BEND6: variants seen among roughly 807,000 people sequenced by gnomAD.
The protein encoded by BEND6 is BEN domain containing 6.
Under a neutral mutation model 31.8 loss-of-function variants are expected in BEND6, and 24 were observed. The observed-to-expected ratio is 0.75, with a 90% CI of 0.55 to 1.06. The LOEUF is 1.06. BEND6 is among the 50% of genes least tolerant of loss of function. The pLI, the probability that BEND6 is intolerant of heterozygous loss-of-function variation, is 0.00. For synonymous variants in BEND6, 109 were observed against 114.6 expected (o/e 0.95, Z 0.31); for missense variants, 294 against 327.4 (o/e 0.90, Z 0.79).
chr6:57,014,666 T>A, intron 3 of BEND6: 1 of 630,848 alleles, frequency 1.6e-6, no homozygotes, highest in Non-Finnish European at 2.5e-6. Context: ...TTGTAAACCA[T>A]ACACGAAGGT....
Position 56,978,761 on chromosome 6 carries a change from G to A in BEND6, c.-100-2950G>A, listed in dbSNP as rs544354512. ...TTACTGCAAATATTTGCACTGGAGC[G>A]AAGATTGAAATTTTTGTGAATGAGA... is the stretch of plus-strand genomic sequence containing the variant. On this transcript the variant is annotated intron_variant, in intron 1 of 6. Coordinates refer to ENST00000370746, the MANE Select transcript of BEND6 (RefSeq NM_152731.3). 1.7e-3 allele frequency among the ~76,000 whole-genome samples: 264 copies of A among 152,298 alleles called. 1 individual carries two copies. The highest frequency in any genetic ancestry group is 3.4e-3 in the Middle Eastern group (1 of 294).
chr6:57,020,844 T>TTTG (rs1827721700), intron 6 of BEND6, among the ~76,000 whole-genome samples: 1 of 150,890 alleles, frequency 6.6e-6, no homozygotes, highest in African/African-American at 2.4e-5. Context: ...TTTTTTTTTT[T>TTTG]TTTTTTTTTT....
intron 1 of BEND6, among the ~76,000 whole-genome samples, chr6:56,970,352 G>T (rs758618234): frequency 6.6e-6 from 1 of 151,958 alleles, no homozygotes; most frequent in Non-Finnish European, 1.5e-5. Flanking sequence ...GTGCCACCAT[G>T]CCTGTCTAAT....
At chr6:56,965,368 T>A (rs1562534537) in intron 1 of BEND6, among the ~76,000 whole-genome samples, 1 of 152,076 alleles carries the variant, frequency 6.6e-6, no homozygotes. Context: ...TAGTATAAAA[T>A]TACAAAGTTA....
intron 1 of BEND6, among the ~76,000 whole-genome samples, chr6:56,959,391 C>G (rs1055085771): frequency 1.3e-5 from 2 of 152,096 alleles, no homozygotes; most frequent in Non-Finnish European, 2.9e-5. Context: ...AGTAAATTAC[C>G]CAGTTGGTAA....
intron 6 of BEND6, among the ~76,000 whole-genome samples, chr6:57,025,475 A>T (rs1827871030): frequency 6.6e-6 from 1 of 152,212 alleles, no homozygotes; most frequent in African/African-American, 2.4e-5. Flanking sequence ...TCTAGCCAGC[A>T]ATCAGAGTGC....
chr6:57,013,226 T>C (rs1278676394), intron 3 of BEND6, among the ~76,000 whole-genome samples: 1 of 152,196 alleles, frequency 6.6e-6, no homozygotes, highest in Non-Finnish European at 1.5e-5. Flanking sequence ...ACCACCCTCA[T>C]ATTCAATAAT....
chr6:56,991,062 G>A (rs1358643384), intron 2 of BEND6, among the ~76,000 whole-genome samples: 2 of 152,224 alleles, frequency 1.3e-5, no homozygotes, highest in Middle Eastern at 3.4e-3. Context: ...AATATTACTT[G>A]TAAATAATGA....
At position 57,015,205 on chromosome 6, in the gene BEND6, C is replaced by T. The variant is rs765939236; in HGVS notation, c.371C>T (p.Thr124Ile). 6.2e-7 allele frequency: 1 copy of T among 1,614,158 alleles called. No individual in the cohort carries two copies. Among genetic ancestry groups the T allele is most frequent in the Non-Finnish European group, 8.5e-7 (1 of 1,180,026 alleles). The change falls in exon 4 of 7, where the codon ACC becomes ATC. Residue 124 changes from threonine (T) to isoleucine (I), a missense_variant. Transcript: ENST00000370746. ...GAGGCTCTGCTTAAGGGTGGGGGAA[C>T]CATGTCTACATCTGCATCCACCCTC... Reference protein sequence around the residue: ...MAEALLKGGGTMSTSASTLWR... With the variant: ...MAEALLKGGGIMSTSASTLWR...
rs571846045 is a variant in BEND6, at chr6:57,002,233, A to C, written c.298+9678A>C. ...TAAAACAAGTACTTCTAGACCTATA[A>C]GAAGACTTAGACAGCCATACAATAA... is the stretch of plus-strand genomic sequence containing the variant. On this transcript the variant is annotated intron_variant, in intron 3 of 6. Coordinates refer to ENST00000370746, the MANE Select transcript of BEND6 (RefSeq NM_152731.3). 3.8e-4 allele frequency among the ~76,000 whole-genome samples: 58 copies of C among 152,356 alleles called. 1 individual carries two copies. Among genetic ancestry groups the C allele is most frequent in the African/African-American group, 1.3e-3 (54 of 41,592 alleles).
chr6:56,975,143 AAAAT>A (rs1348860420), intron 1 of BEND6, among the ~76,000 whole-genome samples: 4 of 152,084 alleles, frequency 2.6e-5, no homozygotes, highest in African/African-American at 9.7e-5. Flanking sequence ...CAAAATAAAA[AAAAT>A]AAAGGCAAAG....
chr6:56,986,547 G>C (rs1336620786), intron 2 of BEND6, among the ~76,000 whole-genome samples: 1 of 152,134 alleles, frequency 6.6e-6, no homozygotes, highest in African/African-American at 2.4e-5. Context: ...GATCTCATCT[G>C]GCTTTCAAGT....
At chr6:57,019,632 A>G (rs1313311880) in intron 6 of BEND6, among the ~76,000 whole-genome samples, 1 of 152,196 alleles carries the variant, frequency 6.6e-6, no homozygotes, top group African/African-American at 2.4e-5. Context: ...TCCTCCCCCA[A>G]GAGTCCCTTA....
At chr6:56,987,830 T>C (rs971277497) in intron 2 of BEND6, among the ~76,000 whole-genome samples, 1 of 152,052 alleles carries the variant, frequency 6.6e-6, no homozygotes, top group Non-Finnish European at 1.5e-5. Flanking sequence ...ACTCCAATTT[T>C]CCAGATTTGG....
At chr6:56,967,183 C>T (rs749336091) in intron 1 of BEND6, among the ~76,000 whole-genome samples, 57 of 152,180 alleles carry the variant, frequency 3.7e-4, no homozygotes, top group Admixed American at 1.7e-3. Context: ...TTGTATCAGT[C>T]AGAGTTCTGG....
At position 56,981,796 on chromosome 6, in the gene BEND6, T is replaced by C; in HGVS notation, c.-15T>C. On this transcript the variant is annotated 5_prime_UTR_variant, in exon 2 of 7. Coordinates refer to ENST00000370746, the MANE Select transcript of BEND6 (RefSeq NM_152731.3). ...TCCTAGGATTTCAGAAAACCTTTGA[T>C]AACTAATTGAGAAAATGCAGAAGAT... 6.2e-7 allele frequency: 1 copy of C among 1,611,172 alleles called. No individual in the cohort carries two copies. Among genetic ancestry groups the C allele is most frequent in the Non-Finnish European group, 8.5e-7 (1 of 1,178,832 alleles).
chr6:57,010,261 C>T (rs1453890587), intron 3 of BEND6: 1 of 152,048 alleles, frequency 6.6e-6, no homozygotes, highest in Non-Finnish European at 1.5e-5. Context: ...GGACAAATGA[C>T]CCAGTTTCTA....
intron 1 of BEND6, among the ~76,000 whole-genome samples, chr6:56,971,174 C>T (rs1476995843): frequency 6.6e-6 from 1 of 152,142 alleles, no homozygotes; most frequent in Non-Finnish European, 1.5e-5. Context: ...ATTCTACTTT[C>T]CGTCTCTATG....
intron 3 of BEND6, among the ~76,000 whole-genome samples, chr6:57,011,669 G>T (rs1160906363): frequency 1.6e-5 from 2 of 122,748 alleles, no homozygotes; most frequent in African/African-American, 6.3e-5. Context: ...AGTAAGCTGT[G>T]ATCATGCCAC....
Sources: allele counts gnomAD v4.1 joint callset (sites outside exome capture counted in the v4.1 genomes callset), GRCh38; gene constraint gnomAD v4.1.1; transcripts MANE v1.5; gene names NCBI Gene and HGNC (gene_info 2026-07-23, HGNC 2026-07-21).